Variants in PPARGC1A observed in about 807,000 individuals in gnomAD.
PPARGC1A encodes the protein PPARG coactivator 1 alpha.
Under a neutral mutation model 88.7 loss-of-function variants are expected in PPARGC1A, and 25 were observed. The ratio of observed to expected loss-of-function variants is 0.28; its 90% CI spans 0.21 to 0.39. The LOEUF is 0.39. Ranked by LOEUF, PPARGC1A falls within the 10% of genes least tolerant of loss-of-function variation. The pLI is 1.00. For missense variants in PPARGC1A, 880 were observed against 968.7 expected (o/e 0.91, Z 1.22); for synonymous variants, 363 against 355.6 (o/e 1.02, Z -0.24).
upstream of PPARGC1A, among the ~76,000 whole-genome samples, chr4:23,904,584 G>A (rs541482453): frequency 2.4e-4 from 36 of 152,238 alleles, no homozygotes; most frequent in South Asian, 1.0e-3. Flanking sequence ...TTTGGAATAC[G>A]TTGTCAAGTG....
the PPARGC1A span, among the ~76,000 whole-genome samples, chr4:24,465,438 C>T: frequency 6.6e-6 from 1 of 152,128 alleles, no homozygotes; most frequent in Non-Finnish European, 1.5e-5. Flanking sequence ...GAGTAAATCA[C>T]TTTTCTGCTG....
intron 7 of PPARGC1A, among the ~76,000 whole-genome samples, chr4:23,817,920 A>G (rs181286503): frequency 1.6e-4 from 25 of 152,252 alleles, no homozygotes; most frequent in Non-Finnish European, 3.5e-4. Context: ...ATAGTGTTAA[A>G]CTTTTCAGAG....
chr4:23,924,512 C>T, the PPARGC1A span, among the ~76,000 whole-genome samples: 1 of 152,100 alleles, frequency 6.6e-6, no homozygotes, highest in Non-Finnish European at 1.5e-5. Flanking sequence ...GTCCCAGCTA[C>T]TTAGGAGGCT....
the PPARGC1A span, among the ~76,000 whole-genome samples, chr4:24,362,939 G>T: frequency 6.6e-6 from 1 of 152,202 alleles, no homozygotes; most frequent in Admixed American, 6.5e-5. Context: ...CGTTGAAACA[G>T]AAACATCGTA....
chr4:23,989,550 A>G, the PPARGC1A span, among the ~76,000 whole-genome samples: 3 of 152,062 alleles, frequency 2.0e-5, no homozygotes, highest in African/African-American at 7.2e-5. Context: ...AATTAGAGAA[A>G]CCAAAGTGTA....
the PPARGC1A span, among the ~76,000 whole-genome samples, chr4:24,074,918 C>T: frequency 6.6e-6 from 1 of 152,144 alleles, no homozygotes; most frequent in Non-Finnish European, 1.5e-5. Context: ...TGCCGAAAAG[C>T]AGAACAAAGG....
upstream of PPARGC1A, chr4:23,904,168 T>G: frequency 2.4e-6 from 1 of 418,830 alleles, no homozygotes; most frequent in Non-Finnish European, 3.2e-6. Context: ...CACTACTAAA[T>G]GAACTCCACA....
the PPARGC1A span, among the ~76,000 whole-genome samples, chr4:24,393,178 C>T: frequency 6.6e-6 from 1 of 152,118 alleles, no homozygotes; most frequent in Non-Finnish European, 1.5e-5. Context: ...CTACAAAGGC[C>T]TCAGTAACTA....
chr4:24,318,103 C>G, the PPARGC1A span, among the ~76,000 whole-genome samples: 1 of 152,130 alleles, frequency 6.6e-6, no homozygotes, highest in Non-Finnish European at 1.5e-5. Flanking sequence ...AAAGATTAGT[C>G]CTGAAGCCAG....
At chr4:24,313,982 G>T in the PPARGC1A span, among the ~76,000 whole-genome samples, 1 of 152,114 alleles carries the variant, frequency 6.6e-6, no homozygotes, top group Non-Finnish European at 1.5e-5. Flanking sequence ...ACTTGGATAG[G>T]CTTCAAAATC....
At chr4:23,811,907 TTTTTTTTTTTTTTTTTTTTTTTTTTTTTG>T in intron 10 of PPARGC1A, among the ~76,000 whole-genome samples, 1 of 45,050 alleles carries the variant, frequency 2.2e-5, no homozygotes, top group African/African-American at 7.9e-5. Context: ...TTTTTTTTTT[TTTTTTTTTTTTTTTTTTTTTTTTTTTTTG>T]AGACAGAGTC....
At chr4:24,224,717 T>C in the PPARGC1A span, among the ~76,000 whole-genome samples, 2 of 152,130 alleles carry the variant, frequency 1.3e-5, no homozygotes, top group Non-Finnish European at 2.9e-5. Flanking sequence ...CTGATCATAA[T>C]AAGCAAATAA....
chr4:24,315,212 T>C, the PPARGC1A span, among the ~76,000 whole-genome samples: 6 of 152,142 alleles, frequency 3.9e-5, no homozygotes, highest in African/African-American at 1.4e-4. Context: ...GACAGCTTCC[T>C]GCAACCTATG....
the PPARGC1A span, among the ~76,000 whole-genome samples, chr4:24,308,094 C>G: frequency 2.0e-5 from 3 of 151,908 alleles, no homozygotes; most frequent in African/African-American, 7.3e-5. Context: ...GAGTTTGAGA[C>G]CAGCCTGGCC....
intron 2 of PPARGC1A, among the ~76,000 whole-genome samples, chr4:23,871,605 G>A (rs1713384649): frequency 6.6e-6 from 1 of 152,172 alleles, no homozygotes; most frequent in African/African-American, 2.4e-5. Context: ...AGACACAAGA[G>A]GATTCTGACA....
At chr4:24,458,724 C>A in the PPARGC1A span, among the ~76,000 whole-genome samples, 1 of 151,962 alleles carries the variant, frequency 6.6e-6, no homozygotes. Context: ...TTGGTGACAA[C>A]CTAAATACCC....
the PPARGC1A span, among the ~76,000 whole-genome samples, chr4:24,262,290 T>C: frequency 6.6e-6 from 1 of 152,140 alleles, no homozygotes; most frequent in South Asian, 2.1e-4. Context: ...CCACACCGGG[T>C]CCTGTGCTCA....
At chr4:23,840,212 C>G (rs1726817070) in intron 2 of PPARGC1A, among the ~76,000 whole-genome samples, 1 of 151,970 alleles carries the variant, frequency 6.6e-6, no homozygotes, top group African/African-American at 2.4e-5. Context: ...CAAGCAGAAC[C>G]TTTTTTGAGA....
the PPARGC1A span, among the ~76,000 whole-genome samples, chr4:24,147,956 C>CAA: frequency 3.4e-4 from 51 of 151,080 alleles, 1 homozygote; most frequent in East Asian, 4.5e-3. Flanking sequence ...AACAAACAAA[C>CAA]AAACAAAAAA....
Sources: allele counts gnomAD v4.1 joint callset (sites outside exome capture counted in the v4.1 genomes callset), GRCh38; gene constraint gnomAD v4.1.1; transcripts MANE v1.5; gene names NCBI Gene and HGNC (gene_info 2026-07-23, HGNC 2026-07-21).